ADGRL2: variants seen among roughly 807,000 people sequenced by gnomAD.
The protein encoded by ADGRL2 is adhesion G protein-coupled receptor L2.
A neutral mutation model predicts 157.4 loss-of-function variants in ADGRL2; 44 were observed. The ratio of observed to expected loss-of-function variants is 0.28; its 90% confidence interval spans 0.22 to 0.36. ADGRL2 has a LOEUF of 0.36. ADGRL2 is among the 10% of genes least tolerant of loss of function. ADGRL2 has a pLI of 1.00. For missense variants in ADGRL2, 1,510 were observed against 1,768.9 expected, an observed-to-expected ratio of 0.85 and a Z score of 2.63; for synonymous variants, 585 against 624.7, an observed-to-expected ratio of 0.94 and a Z score of 0.95.
At chr1:81,536,467 T>A (rs1282213872) in intron 2 of ADGRL2, among the ~76,000 whole-genome samples, 1 of 152,194 alleles carries the variant, frequency 6.6e-6, no homozygotes, top group Non-Finnish European at 1.5e-5. Flanking sequence ...ATCGATTTTC[T>A]CTAAGGAGGG....
chr1:81,972,072 TTA>T (rs1658920559), intron 17 of ADGRL2, among the ~76,000 whole-genome samples, 154 bp downstream of exon 17: 1 of 152,160 alleles, frequency 6.6e-6, no homozygotes, highest in South Asian at 2.1e-4. Flanking sequence ...TAAATATTTT[TTA>T]TAAACTTGCT....
At chr1:81,541,411 C>T (rs1003730292) in intron 2 of ADGRL2, among the ~76,000 whole-genome samples, 1 of 152,102 alleles carries the variant, frequency 6.6e-6, no homozygotes, top group Admixed American at 6.6e-5. Context: ...TAAAAGAACA[C>T]TGCACTTACA....
chr1:81,879,272 A>C (rs1326557635), intron 2 of ADGRL2, among the ~76,000 whole-genome samples: 2 of 149,784 alleles, frequency 1.3e-5, no homozygotes, highest in African/African-American at 4.9e-5. Flanking sequence ...GTAATTAGCG[A>C]GCAAGCTCAG....
chr1:81,487,365 C>T (rs1284872038), intron 2 of ADGRL2, among the ~76,000 whole-genome samples: 1 of 152,084 alleles, frequency 6.6e-6, no homozygotes, highest in African/African-American at 2.4e-5. Context: ...ATATTGAAGG[C>T]CAGGTGTGGT....
At chr1:81,646,731 A>G (rs538292634) in intron 3 of ADGRL2, among the ~76,000 whole-genome samples, 3 of 152,280 alleles carry the variant, frequency 2.0e-5, no homozygotes, top group South Asian at 2.1e-4. Flanking sequence ...CTATTTTTTC[A>G]TCAGCAAATA....
intron 2 of ADGRL2, among the ~76,000 whole-genome samples, chr1:81,515,884 T>G (rs190705102): frequency 1.2e-3 from 178 of 152,312 alleles, no homozygotes; most frequent in African/African-American, 4.2e-3. Context: ...TTTTATGATA[T>G]GCTATATTTT....
chr1:81,515,444 G>GAA (rs35373497), intron 2 of ADGRL2, among the ~76,000 whole-genome samples: 15,657 of 111,452 alleles, frequency 0.14, 1,487 homozygotes, highest in African/African-American at 0.26. Flanking sequence ...AGGAACCTCA[G>GAA]AAAAAAAAAA....
intron 1 of ADGRL2, among the ~76,000 whole-genome samples, chr1:81,738,842 G>A (rs951771649): frequency 6.6e-6 from 1 of 152,146 alleles, no homozygotes; most frequent in Non-Finnish European, 1.5e-5. Context: ...CCTTGGCCTG[G>A]TGACCTAAGT....
intron 1 of ADGRL2, among the ~76,000 whole-genome samples, chr1:81,747,222 T>G (rs1181259130): frequency 6.8e-6 from 1 of 147,056 alleles, no homozygotes; most frequent in Non-Finnish European, 1.5e-5. Flanking sequence ...TGTGTGTATA[T>G]ATGTATATAT....
intron 2 of ADGRL2, among the ~76,000 whole-genome samples, chr1:81,538,655 A>T (rs2079805166): frequency 2.0e-5 from 3 of 152,160 alleles, no homozygotes; most frequent in Admixed American, 2.0e-4. Context: ...CATTATAGGC[A>T]GGATTATTGT....
chr1:81,596,424 T>G (rs1029823133), intron 3 of ADGRL2: 1 of 467,356 alleles, frequency 2.1e-6, no homozygotes, highest in Non-Finnish European at 4.2e-6. Context: ...AGATTTTACA[T>G]TGCAGCTCGT....
intron 1 of ADGRL2, among the ~76,000 whole-genome samples, chr1:81,834,238 C>G (rs542160292): frequency 2.6e-5 from 4 of 152,232 alleles, no homozygotes; most frequent in African/African-American, 9.6e-5. Context: ...TTCTAAAAAT[C>G]AAAAGAAAGT....
At chr1:81,848,508 A>C (rs533604001) in intron 2 of ADGRL2, among the ~76,000 whole-genome samples, 1 of 151,888 alleles carries the variant, frequency 6.6e-6, no homozygotes, top group African/African-American at 2.4e-5. Context: ...ATATTTTCCT[A>C]TCTCAGCAGG....
intron 2 of ADGRL2, among the ~76,000 whole-genome samples, chr1:81,487,553 G>A (rs2078534962): frequency 1.3e-5 from 2 of 152,108 alleles, no homozygotes; most frequent in African/African-American, 2.4e-5. Flanking sequence ...GCTGAGGTAA[G>A]AGAATCGCTT....
chr1:81,722,205 A>G, intron 1 of ADGRL2: 1 of 373,088 alleles, frequency 2.7e-6, no homozygotes, highest in East Asian at 6.8e-5. Flanking sequence ...AGGCAGGAGA[A>G]TGGCATGAAC....
chr1:81,331,423 A>C (rs1265948958), intron 1 of ADGRL2, among the ~76,000 whole-genome samples: 2 of 152,148 alleles, frequency 1.3e-5, no homozygotes, highest in African/African-American at 4.8e-5. Context: ...AGGCAGTAGA[A>C]ATATAGACAA....
At chr1:81,804,506 G>A (rs1297361625) in intron 1 of ADGRL2, among the ~76,000 whole-genome samples, 1 of 152,206 alleles carries the variant, frequency 6.6e-6, no homozygotes, top group African/African-American at 2.4e-5. Context: ...GGCCCAAAGG[G>A]CAATGAGAAT....
At chr1:81,448,873 C>T (rs1449801040) in intron 2 of ADGRL2, among the ~76,000 whole-genome samples, 1 of 152,022 alleles carries the variant, frequency 6.6e-6, no homozygotes, top group Non-Finnish European at 1.5e-5. Flanking sequence ...GGGGGATGGT[C>T]TATATTACAC....
intron 1 of ADGRL2, among the ~76,000 whole-genome samples, chr1:81,336,904 G>T (rs113715661): frequency 1.3e-5 from 2 of 152,046 alleles, no homozygotes; most frequent in East Asian, 1.9e-4. Flanking sequence ...AAAACCCCAG[G>T]CTCCACTGGC....
Sources: gnomAD v4.1 joint callset for allele counts (sites outside exome capture counted in the v4.1 genomes callset) on GRCh38, gnomAD v4.1.1 for gene constraint, MANE v1.5 for transcripts, NCBI Gene and HGNC (gene_info 2026-07-23, HGNC 2026-07-21) for gene names.